SUGCT: variants seen among roughly 807,000 people sequenced by gnomAD.
The protein encoded by SUGCT is succinyl-CoA:glutarate-CoA transferase, also known as succinyl-CoA:glutarate CoA-transferase.
In SUGCT, 41 loss-of-function variants were observed where a neutral mutation model predicts 55.0. The ratio of observed to expected loss-of-function variants is 0.74; its 90% CI spans 0.58 to 0.97. The LOEUF (loss-of-function observed/expected upper bound fraction) is 0.97. Among genes scored for constraint, SUGCT ranks in the 50% least tolerant of loss-of-function variants. SUGCT has a pLI of 0.00. For missense variants in SUGCT, 568 were observed against 547.8 expected, an observed-to-expected ratio of 1.04 and a Z score of -0.37; for synonymous variants, 187 against 200.4, an observed-to-expected ratio of 0.93 and a Z score of 0.56.
At chr7:40,495,245 T>TGGTG (rs1791908970) in intron 11 of SUGCT, among the ~76,000 whole-genome samples, 2 of 149,620 alleles carry the variant, frequency 1.3e-5, no homozygotes, top group African/African-American at 5.0e-5. Context: ...TTTTTTTTAA[T>TGGTG]GGTGAAAGAA....
Position 40,627,835 on chromosome 7 carries a change from G to A in SUGCT, c.1090-121599G>A, listed in dbSNP as rs142234008. ...AGACACTATTCTCCTGCCTCACCAT[G>A]ACATGAAACTTCTCTGCCAGGGCTA... On this transcript the variant is annotated intron_variant, in intron 12 of 13. Coordinates refer to ENST00000335693, the MANE Select transcript of SUGCT (RefSeq NM_001193313.2). 7.2e-5 allele frequency among the ~76,000 whole-genome samples: 11 copies of A among 152,300 alleles called. No homozygotes were observed. The East Asian group carries it at 2.1e-3, about 29-fold the overall frequency.
intron 9 of SUGCT, among the ~76,000 whole-genome samples, chr7:40,334,151 T>A (rs999970027): frequency 6.6e-6 from 1 of 152,220 alleles, no homozygotes; most frequent in African/African-American, 2.4e-5. Flanking sequence ...CAGTCTATCA[T>A]TGATGGACCT....
At chr7:41,029,273 A>G in the SUGCT span, among the ~76,000 whole-genome samples, 2 of 152,190 alleles carry the variant, frequency 1.3e-5, no homozygotes, top group East Asian at 1.9e-4. Context: ...TATAAAGACA[A>G]TGGGGCCTCG....
intron 9 of SUGCT, among the ~76,000 whole-genome samples, chr7:40,364,637 T>A (rs1783829540): frequency 6.6e-6 from 1 of 152,210 alleles, no homozygotes; most frequent in South Asian, 2.1e-4. Flanking sequence ...ATGTTGAATA[T>A]TGGCTCCCAC....
chr7:40,157,228 G>A (rs1783941487), intron 1 of SUGCT, among the ~76,000 whole-genome samples: 1 of 151,964 alleles, frequency 6.6e-6, no homozygotes, highest in Non-Finnish European at 1.5e-5. Flanking sequence ...GTTCCAAAGG[G>A]TAAGATCCCA....
At chr7:40,663,485 ATGTGTGTGTGTGTGTGTGTGTGTGTG>A (rs59033010) in intron 12 of SUGCT, among the ~76,000 whole-genome samples, 2 of 134,970 alleles carry the variant, frequency 1.5e-5, no homozygotes, top group Non-Finnish European at 3.3e-5. Flanking sequence ...TTTGTGGTGT[ATGTGTGTGTGTGTGTGTGTGTGTGTG>A]TGTGTGTGTG....
the SUGCT span, among the ~76,000 whole-genome samples, chr7:41,028,794 C>T: frequency 2.6e-5 from 4 of 152,164 alleles, no homozygotes; most frequent in South Asian, 2.1e-4. Flanking sequence ...GGACAGACAA[C>T]GCCAGTATGC....
chr7:40,658,990 A>C (rs1051306345), intron 12 of SUGCT, among the ~76,000 whole-genome samples: 2 of 152,144 alleles, frequency 1.3e-5, no homozygotes, highest in Non-Finnish European at 2.9e-5. Flanking sequence ...TTGTCCCTAC[A>C]AGACCTGTTG....
chr7:40,429,111 A>G (rs1052964953), intron 9 of SUGCT, among the ~76,000 whole-genome samples: 1 of 111,600 alleles, frequency 9.0e-6, no homozygotes, highest in African/African-American at 3.4e-5. Flanking sequence ...CCATCATCTC[A>G]CATAATTACC....
intron 12 of SUGCT, among the ~76,000 whole-genome samples, chr7:40,646,180 A>G (rs927381946): frequency 1.3e-5 from 2 of 152,160 alleles, no homozygotes; most frequent in South Asian, 4.1e-4. Flanking sequence ...ATATAACTCT[A>G]TTATGGCTTT....
At chr7:40,364,312 AC>A (rs1337634610) in intron 9 of SUGCT, among the ~76,000 whole-genome samples, 8 of 151,738 alleles carry the variant, frequency 5.3e-5, no homozygotes, top group African/African-American at 1.7e-4. Flanking sequence ...TAGTCCATTT[AC>A]ATTTAAAGTT....
chr7:40,841,210 G>T (rs1793265113), intron 13 of SUGCT, among the ~76,000 whole-genome samples: 1 of 151,874 alleles, frequency 6.6e-6, no homozygotes, highest in Admixed American at 6.6e-5. Context: ...ACAACAAAAT[G>T]TATTAACACA....
chr7:40,782,899 C>G (rs2128739203), intron 13 of SUGCT, among the ~76,000 whole-genome samples: 1 of 152,244 alleles, frequency 6.6e-6, no homozygotes, highest in African/African-American at 2.4e-5. Flanking sequence ...GTCCTTTAAC[C>G]CTTCTAACCA....
At chr7:40,914,272 C>CTTTT in the SUGCT span, among the ~76,000 whole-genome samples, 47 of 139,268 alleles carry the variant, frequency 3.4e-4, no homozygotes, top group Middle Eastern at 3.6e-3. Flanking sequence ...TTATTTTTTT[C>CTTTT]TTTTTCTTTT....
rs192077073 is a variant in SUGCT, at chr7:40,241,334, G to A, written c.576+3608G>A. 3.4e-3 allele frequency among the ~76,000 whole-genome samples: 523 copies of A among 152,038 alleles called. 2 individuals are homozygous for A. Among genetic ancestry groups the A allele is most frequent in the African/African-American group, 0.012 (481 of 41,478 alleles). On this transcript the variant is annotated intron_variant, in intron 7 of 13. Transcript: ENST00000335693. Reference sequence around the variant, plus strand: ...TGGCTCACGCCTGTAATCCCAGCACGTTGGGAGGCTGAGGCGGGCGGATCA... The same window carrying A: ...TGGCTCACGCCTGTAATCCCAGCACATTGGGAGGCTGAGGCGGGCGGATCA...
the SUGCT span, among the ~76,000 whole-genome samples, chr7:40,913,353 GA>G: frequency 6.6e-6 from 1 of 151,938 alleles, no homozygotes; most frequent in African/African-American, 2.4e-5. Context: ...TATTAAAATG[GA>G]AAAAAATTGT....
At chr7:40,548,081 A>T (rs1056230591) in intron 12 of SUGCT, among the ~76,000 whole-genome samples, 1 of 151,258 alleles carries the variant, frequency 6.6e-6, no homozygotes, top group Non-Finnish European at 1.5e-5. Context: ...CAAGTATTTC[A>T]TTTAGTGACC....
At chr7:40,226,701 G>C (rs1214961049) in intron 6 of SUGCT, among the ~76,000 whole-genome samples, 1 of 151,168 alleles carries the variant, frequency 6.6e-6, no homozygotes, top group Non-Finnish European at 1.5e-5. Flanking sequence ...TAACCTATCT[G>C]GTCTTCAGTT....
chr7:40,922,569 C>T, the SUGCT span, among the ~76,000 whole-genome samples: 2 of 152,298 alleles, frequency 1.3e-5, no homozygotes, highest in East Asian at 3.9e-4. Context: ...AAGCAAAAAA[C>T]ACAAGGTTTC....
Sources: gnomAD v4.1 joint callset for allele counts (sites outside exome capture counted in the v4.1 genomes callset) on GRCh38, gnomAD v4.1.1 for gene constraint, MANE v1.5 for transcripts, NCBI Gene and HGNC (gene_info 2026-07-23, HGNC 2026-07-21) for gene names.